Variants in DCTN1 observed in about 807,000 individuals in gnomAD.
DCTN1 encodes the protein dynactin subunit 1.
A neutral mutation model predicts 161.2 loss-of-function variants in DCTN1; 61 were observed. That is an observed-to-expected ratio of 0.38 (90% CI 0.31 to 0.47). The LOEUF (loss-of-function observed/expected upper bound fraction) is 0.47, where lower values mean the gene tolerates loss of function less well. DCTN1 is among the 20% of genes least tolerant of loss of function. The pLI, the probability that DCTN1 is intolerant of heterozygous loss-of-function variation, is 0.99. For missense variants in DCTN1, 1,404 were observed against 1,623.7 expected (o/e 0.86, Z 2.33); for synonymous variants, 653 against 632.4 (o/e 1.03, Z -0.49).
intron 8 of DCTN1, 135 bp from the exon 9 acceptor site, chr2:74,371,311 A>G: frequency 6.3e-7 from 1 of 1,582,688 alleles, no homozygotes. Context: ...TGGCATAAGA[A>G]CATCTGAGAG....
intron 23 of DCTN1, 68 bp from the exon 24 acceptor site, chr2:74,366,086 C>T (rs1051611543): frequency 6.2e-7 from 1 of 1,613,090 alleles, no homozygotes; most frequent in Admixed American, 1.7e-5. Context: ...GTGCTCCTTA[C>T]AGAGAGATCC....
In DCTN1 at chr2:74,367,977, T is replaced by C. The variant is rs765819985; in HGVS notation, c.2009A>G (p.Tyr670Cys). Residue 670 changes from tyrosine (Y) to cysteine (C), a missense_variant, in exon 17 of 32, where the codon TAT becomes TGT. Physicochemically the swap from Tyr to Cys is radical, Grantham distance 194. Transcript: ENST00000628224. The stretch of plus-strand genomic sequence containing the variant: ...GGAGTCAGGAGTCACTTACTGCTCA[T>C]AGCGGTGTAGCGTGGCCTGCAGCAG... ...LSLLQATLHRYEHALSQCSVD... is the reference protein window; with the variant it reads ...LSLLQATLHRCEHALSQCSVD... The C allele has an allele frequency of 8.7e-6, 14 of 1,614,086 alleles. No homozygotes were observed. The highest frequency in any genetic ancestry group is 8.3e-5 in the Admixed American group (5 of 60,012).
In DCTN1 at chr2:74,378,018, G is replaced by C; in HGVS notation, c.261C>G (p.Ile87Met). ...KYFTCDEGHG[I>M]FVRQSQIQVF... The stretch of plus-strand genomic sequence containing the variant: ...TGAATACCTGGGACTGGCGCACAAA[G>C]ATGCCATGCCCTTCATCACAAGTGA... Residue 87 changes from isoleucine to methionine, a missense_variant, in exon 2 of 32, where the codon ATC becomes ATG. Physicochemically the swap from Ile to Met is conservative, Grantham distance 10. This residue lies in a region of DCTN1 where 174 missense variants were observed against 175.6 expected (regional missense o/e 0.99). Coordinates refer to ENST00000628224, the MANE Select transcript of DCTN1 (RefSeq NM_004082.5). 1 of 1,614,286 alleles carries C rather than the reference G, an allele frequency of 6.2e-7. No homozygotes were observed. Among genetic ancestry groups the C allele is most frequent in the Non-Finnish European group, 8.5e-7 (1 of 1,180,046 alleles).
At chr2:74,373,355 A>C in intron 6 of DCTN1, 2 of 318,308 alleles carry the variant, frequency 6.3e-6, no homozygotes, top group Admixed American at 8.0e-5. Flanking sequence ...ACCACTCCCA[A>C]GGACTTTCCC....
At chr2:74,380,381 G>C, upstream of DCTN1, 1 of 506,614 alleles carries the variant, frequency 2.0e-6, no homozygotes, top group Non-Finnish European at 3.9e-6. Flanking sequence ...CCTGCTTCAC[G>C]TGGGCCAGAA....
chr2:74,367,495 G>C, intron 18 of DCTN1, 75 bp from the exon 19 acceptor site: 2 of 1,562,364 alleles, frequency 1.3e-6, no homozygotes, highest in South Asian at 2.3e-5. Flanking sequence ...TGTAGTTTGA[G>C]CCCTGGTCAT....
intron 5 of DCTN1, chr2:74,374,584 C>T (rs927178151): frequency 5.2e-5 from 68 of 1,299,788 alleles, no homozygotes; most frequent in Admixed American, 3.2e-4. Flanking sequence ...CCCCCGCAGA[C>T]GTGCAGCTGG....
chr2:74,379,775 T>A (rs1327759913), intron 1 of DCTN1, among the ~76,000 whole-genome samples: 1 of 152,124 alleles, frequency 6.6e-6, no homozygotes, highest in Non-Finnish European at 1.5e-5. Flanking sequence ...TGAGGGCCAA[T>A]TAGAGTCAGA....
chr2:74,387,776 A>AGTCT (rs10662663), intron 1 of DCTN1, among the ~76,000 whole-genome samples: 34,097 of 151,868 alleles, frequency 0.22, 5,594 homozygotes, highest in East Asian at 0.46. Flanking sequence ...CTCCCCCTTC[A>AGTCT]ATTTCCACAT....
At chr2:74,389,190 C>T (rs902600413) in intron 1 of DCTN1, among the ~76,000 whole-genome samples, 6 of 152,154 alleles carry the variant, frequency 3.9e-5, no homozygotes, top group African/African-American at 9.7e-5. Flanking sequence ...GCTAACCTGT[C>T]CCTTGATCAC....
At chr2:74,381,007 T>C (rs572624312), upstream of DCTN1, among the ~76,000 whole-genome samples, 1 of 152,244 alleles carries the variant, frequency 6.6e-6, no homozygotes, top group Admixed American at 6.5e-5. Flanking sequence ...CTTGTACTCT[T>C]GGCCTTGCCT....
At chr2:74,376,808 G>A (rs762571832) in intron 4 of DCTN1, 46 bp from the exon 5 acceptor site, 2 of 1,580,044 alleles carry the variant, frequency 1.3e-6, no homozygotes, top group South Asian at 2.3e-5. Context: ...CAGATGTCCT[G>A]GGCATAGGTG....
intron 16 of DCTN1, 121 bp from the exon 17 acceptor site, chr2:74,368,252 A>T (rs1392607551): frequency 6.0e-6 from 8 of 1,339,208 alleles, no homozygotes; most frequent in Admixed American, 2.0e-5. Context: ...GAGAGAAAGC[A>T]GAAATAGCTC....
upstream of DCTN1, among the ~76,000 whole-genome samples, chr2:74,382,523 G>A (rs538595533): frequency 1.3e-5 from 2 of 150,600 alleles, 1 homozygote; most frequent in South Asian, 4.2e-4. Flanking sequence ...ATCGCTTGAA[G>A]CCGGGAGGTG....
At chr2:74,380,633 T>C (rs1314426960), upstream of DCTN1, 4 of 464,152 alleles carry the variant, frequency 8.6e-6, no homozygotes, top group East Asian at 2.8e-4. Flanking sequence ...TTTCTGGTGC[T>C]CTTCTCTCTC....
chr2:74,371,035 T>C lies in DCTN1; in HGVS notation c.787A>G (p.Ser263Gly), dbSNP rs771669377. 3 of 1,614,214 alleles carry C rather than the reference T, an allele frequency of 1.9e-6. No individual in the cohort carries two copies. The South Asian group carries it at 3.3e-5, about 18-fold the overall frequency. Residue 263 changes from serine (S) to glycine (G), a missense_variant, in exon 9 of 32, where the codon AGC becomes GGC. Transcript: ENST00000628224. ...IQLEQVQEWK[S>G]KMQEQQADLQ... ...TCGGCCTGCTGCTCCTGCATTTTGCTCTTCCATTCCTGCACCTGCTCCAGC... is the reference window on the plus strand; with the variant it reads ...TCGGCCTGCTGCTCCTGCATTTTGCCCTTCCATTCCTGCACCTGCTCCAGC...
At chr2:74,361,663 T>A in intron 31 of DCTN1, 27 bp from the exon 32 acceptor site, 1 of 1,613,996 alleles carries the variant, frequency 6.2e-7, no homozygotes, top group Non-Finnish European at 8.5e-7. Context: ...AGAAAAAGAC[T>A]CCAGGTCAGG....
chr2:74,362,416 G>T (rs1260890018), intron 30 of DCTN1, among the ~76,000 whole-genome samples: 1 of 152,174 alleles, frequency 6.6e-6, no homozygotes, highest in African/African-American at 2.4e-5. Context: ...GCTGATGGAA[G>T]CTAAAGCCTG....
rs771966365 is a variant in DCTN1 at position 74,374,337 on chromosome 2, G to T, written c.418C>A (p.Pro140Thr). 7 of 1,613,742 alleles carry T rather than the reference G, an allele frequency of 4.3e-6. No individual in the cohort carries two copies. The Admixed American group carries it at 1.2e-4, about 27-fold the overall frequency. ...KLRGLKPKKAPTARKTTTRRP... is the reference protein window; with the variant it reads ...KLRGLKPKKATTARKTTTRRP... ...AGCAAGAGTACCTTTCGGGCTGTCG[G>T]TGCCTGTCTCATCATTGCAGAAAAC... Residue 140 changes from proline to threonine, a missense_variant, in exon 6 of 32, where the codon CCG becomes ACG. This residue lies in a region of DCTN1 where 174 missense variants were observed against 175.6 expected (regional missense o/e 0.99). Coordinates refer to ENST00000628224, the MANE Select transcript of DCTN1 (RefSeq NM_004082.5).
Sources: allele counts gnomAD v4.1 joint callset (sites outside exome capture counted in the v4.1 genomes callset), GRCh38; gene constraint gnomAD v4.1.1; regional missense constraint gnomAD v4.1.1; transcripts MANE v1.5; gene names NCBI Gene and HGNC (gene_info 2026-07-23, HGNC 2026-07-21).